The following CDH13 variants were observed in gnomAD, a reference collection of about 807,000 sequenced individuals.
The protein encoded by CDH13 is cadherin-13.
In CDH13, 24 loss-of-function variants were observed where a neutral mutation model predicts 63.8. The ratio of observed to expected loss-of-function variants is 0.38; its 90% CI spans 0.27 to 0.53. The LOEUF (loss-of-function observed/expected upper bound fraction) is 0.53. Among genes scored for constraint, CDH13 ranks in the 20% least tolerant of loss-of-function variants. The pLI is 0.85. For missense variants in CDH13, 1,049 were observed against 903.1 expected (o/e 1.16, Z -2.07); for synonymous variants, 503 against 355.3 (o/e 1.42, Z -4.67).
chr16:82,882,977 G>A (rs575101592), intron 2 of CDH13, among the ~76,000 whole-genome samples: 13 of 152,166 alleles, frequency 8.5e-5, no homozygotes, highest in Non-Finnish European at 1.8e-4. Flanking sequence ...TGCCTGTAAT[G>A]TGTAGAGGTC....
chr16:83,132,207 G>A (rs1268944219), intron 4 of CDH13, among the ~76,000 whole-genome samples: 1 of 152,174 alleles, frequency 6.6e-6, no homozygotes, highest in South Asian at 2.1e-4. Flanking sequence ...TGGTACTGAA[G>A]CCCCAGCACC....
chr16:82,852,259 C>A (rs1032141162), intron 1 of CDH13, among the ~76,000 whole-genome samples: 7 of 152,208 alleles, frequency 4.6e-5, no homozygotes, highest in East Asian at 1.9e-4. Flanking sequence ...GACTTTTCTG[C>A]CCTTGTTCCA....
chr16:83,483,455 A>G (rs1272411185), intron 6 of CDH13, among the ~76,000 whole-genome samples: 1 of 123,336 alleles, frequency 8.1e-6, no homozygotes, highest in African/African-American at 2.9e-5. Context: ...AGACTCATCA[A>G]CCTGAAAGGT....
At chr16:83,263,763 C>T (rs1341808629) in intron 5 of CDH13, among the ~76,000 whole-genome samples, 1 of 152,170 alleles carries the variant, frequency 6.6e-6, no homozygotes, top group Non-Finnish European at 1.5e-5. Context: ...CAGCAGGCTG[C>T]TGCCATGGCC....
At chr16:83,138,027 C>T (rs2036373259) in intron 4 of CDH13, among the ~76,000 whole-genome samples, 1 of 151,924 alleles carries the variant, frequency 6.6e-6, no homozygotes, top group Non-Finnish European at 1.5e-5. Context: ...CTGCGCTTGG[C>T]CCACTTCTGC....
chr16:82,790,345 G>A (rs961452113), intron 1 of CDH13, among the ~76,000 whole-genome samples: 2 of 152,098 alleles, frequency 1.3e-5, no homozygotes, highest in Non-Finnish European at 2.9e-5. Context: ...TGAGGCAGGA[G>A]AATTGCGTGA....
At chr16:83,678,083 C>A (rs1915110659) in intron 9 of CDH13, 125 bp from the exon 10 acceptor site, 2 of 852,922 alleles carry the variant, frequency 2.3e-6, no homozygotes, top group Admixed American at 2.6e-5. Context: ...ACAGGCTTAG[C>A]CTCCAAAGCC....
At chr16:82,778,421 G>A (rs1031992448) in intron 1 of CDH13, among the ~76,000 whole-genome samples, 2 of 151,916 alleles carry the variant, frequency 1.3e-5, no homozygotes, top group African/African-American at 2.4e-5. Flanking sequence ...GCATTTCCAC[G>A]TTGCTGCTAT....
At chr16:83,382,389 T>C (rs1032274140) in intron 6 of CDH13, among the ~76,000 whole-genome samples, 3 of 152,188 alleles carry the variant, frequency 2.0e-5, no homozygotes, top group Non-Finnish European at 2.9e-5. Context: ...TTATTTTAAA[T>C]GTACAGAAAA....
chr16:82,635,566 G>GT (rs1449161118), intron 1 of CDH13, among the ~76,000 whole-genome samples: 13 of 152,240 alleles, frequency 8.5e-5, no homozygotes, highest in African/African-American at 3.1e-4. Flanking sequence ...AAGGTACAGA[G>GT]TGATGTGATC....
chr16:83,019,559 G>A (rs1486833568), intron 2 of CDH13, among the ~76,000 whole-genome samples: 2 of 146,524 alleles, frequency 1.4e-5, no homozygotes, highest in South Asian at 2.2e-4. Flanking sequence ...ACCGTGGCCC[G>A]ATCTCAGCTC....
intron 7 of CDH13, among the ~76,000 whole-genome samples, chr16:83,511,102 A>ACACG (rs1567724682): frequency 3.2e-5 from 1 of 31,242 alleles, no homozygotes; most frequent in Non-Finnish European, 6.0e-5. Flanking sequence ...ACATGCACAC[A>ACACG]TGCACGCATG....
intron 6 of CDH13, among the ~76,000 whole-genome samples, chr16:83,375,479 G>C (rs1034326482): frequency 6.6e-6 from 1 of 152,168 alleles, no homozygotes; most frequent in Non-Finnish European, 1.5e-5. Context: ...TGTGTGCAGA[G>C]AAATATGTTG....
chr16:82,670,538 C>G (rs1327997301), intron 1 of CDH13, among the ~76,000 whole-genome samples: 1 of 152,128 alleles, frequency 6.6e-6, no homozygotes, highest in Admixed American at 6.5e-5. Flanking sequence ...TTTGCTTTAC[C>G]TGAAGGCAGC....
intron 5 of CDH13, among the ~76,000 whole-genome samples, chr16:83,287,308 G>A (rs747592575): frequency 6.6e-6 from 1 of 152,170 alleles, no homozygotes; most frequent in Non-Finnish European, 1.5e-5. Flanking sequence ...AAGAGCGGGG[G>A]TCCTCAACCA....
chr16:82,677,782 C>T (rs183186236), intron 1 of CDH13, among the ~76,000 whole-genome samples: 2 of 152,202 alleles, frequency 1.3e-5, no homozygotes, highest in Admixed American at 1.3e-4. Context: ...ACATTTCCCC[C>T]TCCAATTTTT....
intron 7 of CDH13, among the ~76,000 whole-genome samples, chr16:83,510,103 A>G (rs1208459235): frequency 6.6e-6 from 1 of 152,228 alleles, no homozygotes; most frequent in East Asian, 1.9e-4. Flanking sequence ...GGATGGCTGA[A>G]ACGAGTCTGA....
At chr16:82,760,521 C>T (rs1335068630) in intron 1 of CDH13, among the ~76,000 whole-genome samples, 3 of 151,972 alleles carry the variant, frequency 2.0e-5, no homozygotes, top group Non-Finnish European at 4.4e-5. Flanking sequence ...AGTTTGGACC[C>T]TGTTTACAAA....
At chr16:82,888,751 C>T (rs533098148) in intron 2 of CDH13, among the ~76,000 whole-genome samples, 1 of 152,298 alleles carries the variant, frequency 6.6e-6, no homozygotes, top group Admixed American at 6.5e-5. Flanking sequence ...CATTTAGCTG[C>T]CCCTAAGTGT....
Sources: allele counts gnomAD v4.1 joint callset (sites outside exome capture counted in the v4.1 genomes callset), GRCh38; gene constraint gnomAD v4.1.1; transcripts MANE v1.5; gene names NCBI Gene and HGNC (gene_info 2026-07-23, HGNC 2026-07-21).